Variants in OLFML2B observed in about 807,000 individuals in gnomAD.
OLFML2B encodes olfactomedin like 2B.
A neutral mutation model predicts 74.9 loss-of-function variants in OLFML2B; 57 were observed. The ratio of observed to expected loss-of-function variants is 0.76; its 90% CI spans 0.61 to 0.95. OLFML2B has a LOEUF of 0.95. Among genes scored for constraint, OLFML2B ranks in the 40% least tolerant of loss-of-function variants. The pLI, the probability that OLFML2B is intolerant of heterozygous loss-of-function variation, is 0.00. For synonymous variants in OLFML2B, 388 were observed against 405.8 expected, an observed-to-expected ratio of 0.96 and a Z score of 0.53; for missense variants, 986 against 970.6, an observed-to-expected ratio of 1.02 and a Z score of -0.21.
intron 3 of OLFML2B, among the ~76,000 whole-genome samples, chr1:162,016,770 C>A (rs538505102): frequency 6.6e-6 from 1 of 152,160 alleles, no homozygotes; most frequent in Non-Finnish European, 1.5e-5. Flanking sequence ...CAACTCCCAG[C>A]TCCCTTCACA....
Position 162,020,073 on chromosome 1 carries a change from C to T in OLFML2B, c.284G>A (p.Gly95Glu). ...GRDACQRINA[G>E]ASRKEDFYTV... Reference sequence around the variant, plus strand: ...ATAGAAGTCTTCCTTCCTGGAGGCCCCCGCATTGATCCTCTGGCAGGCATC... The same window carrying T: ...ATAGAAGTCTTCCTTCCTGGAGGCCTCCGCATTGATCCTCTGGCAGGCATC... Residue 95 changes from glycine to glutamate, a missense_variant, in exon 2 of 8, where the codon GGG becomes GAG. Transcript: ENST00000294794. The T allele has an allele frequency of 6.2e-7, 1 of 1,614,178 alleles. No individual in the cohort carries two copies. Among genetic ancestry groups the T allele is most frequent in the Non-Finnish European group, 8.5e-7 (1 of 1,180,020 alleles).
At chr1:161,999,649 C>T (rs569503959) in intron 5 of OLFML2B, among the ~76,000 whole-genome samples, 8 of 152,158 alleles carry the variant, frequency 5.3e-5, no homozygotes, top group Admixed American at 1.3e-4. Context: ...ACAAGGTAAA[C>T]GTGATGTGAA....
At chr1:162,022,338 C>T (rs1690736481) in intron 1 of OLFML2B, among the ~76,000 whole-genome samples, 1 of 150,174 alleles carries the variant, frequency 6.7e-6, no homozygotes, top group South Asian at 2.1e-4. Context: ...GCAACCTCCA[C>T]CTCCCGGGTT....
At chr1:162,015,241 T>C (rs1690498732) in intron 3 of OLFML2B, among the ~76,000 whole-genome samples, 1 of 152,220 alleles carries the variant, frequency 6.6e-6, no homozygotes, top group South Asian at 2.1e-4. Flanking sequence ...GAGGTTACTG[T>C]GTGACTGTAT....
chr1:162,018,694 G>C (rs1690616938), intron 2 of OLFML2B, among the ~76,000 whole-genome samples: 1 of 152,204 alleles, frequency 6.6e-6, no homozygotes, highest in Admixed American at 6.5e-5. Context: ...GGGTAAGAGG[G>C]AAGATGATGA....
intron 5 of OLFML2B, among the ~76,000 whole-genome samples, chr1:161,999,241 C>T (rs1690016479): frequency 6.6e-6 from 1 of 152,184 alleles, no homozygotes; most frequent in Non-Finnish European, 1.5e-5. Flanking sequence ...AAGTAGACTT[C>T]ATGTGCTCAT....
intron 2 of OLFML2B, 135 bp downstream of exon 2, chr1:162,019,784 G>A: frequency 8.8e-7 from 1 of 1,135,640 alleles, no homozygotes; most frequent in Non-Finnish European, 1.2e-6. Context: ...CATCAACCTT[G>A]ATCCACACAC....
chr1:161,987,561 T>C (rs1021887280), intron 6 of OLFML2B, among the ~76,000 whole-genome samples: 4 of 151,976 alleles, frequency 2.6e-5, no homozygotes, highest in African/African-American at 4.8e-5. Context: ...AGAAACGGAT[T>C]CTCCCCTCAA....
chr1:161,999,946 G>A (rs988968586), intron 5 of OLFML2B, among the ~76,000 whole-genome samples, 167 bp downstream of exon 5: 1 of 152,188 alleles, frequency 6.6e-6, no homozygotes, highest in African/African-American at 2.4e-5. Context: ...GCCACTCAGC[G>A]AGCTGTGAGG....
chr1:162,023,108 A>AAAATG, intron 1 of OLFML2B, 149 bp downstream of exon 1: 1 of 723,002 alleles, frequency 1.4e-6, no homozygotes, highest in Middle Eastern at 4.2e-4. Context: ...TTCCATTAAG[A>AAAATG]AAATATTCCG....
chr1:161,989,074 A>G (rs1689666680), intron 6 of OLFML2B, among the ~76,000 whole-genome samples: 2 of 151,458 alleles, frequency 1.3e-5, no homozygotes, highest in African/African-American at 2.4e-5. Context: ...GATCTCACCA[A>G]CTCTTGCCTG....
chr1:162,012,094 G>T (rs893670264), intron 3 of OLFML2B, among the ~76,000 whole-genome samples: 10 of 152,108 alleles, frequency 6.6e-5, no homozygotes, highest in African/African-American at 2.2e-4. Flanking sequence ...GCCTTTTCAC[G>T]TATAAGGACA....
chr1:161,984,150 C>G lies in OLFML2B; in HGVS notation c.1778G>C (p.Arg593Pro). The G allele has an allele frequency of 6.2e-7, 1 of 1,610,062 alleles. No individual in the cohort carries two copies. Among genetic ancestry groups the G allele is most frequent in the South Asian group, 1.1e-5 (1 of 90,520 alleles). ...CAGCATGGCCCAGGCAGCCACGTAG[C>G]GCTGCTTCAGGTCGTACTTGATGAT... Reference protein sequence around the residue: ...RNIIKYDLKQRYVAAWAMLHD... With the variant: ...RNIIKYDLKQPYVAAWAMLHD... Residue 593 changes from arginine (R) to proline (P), a missense_variant, in exon 8 of 8, where the codon CGC becomes CCC. By Grantham distance (103) the Arg-to-Pro change is moderately radical (BLOSUM62 -2). Coordinates refer to ENST00000294794, the MANE Select transcript of OLFML2B (RefSeq NM_015441.3).
At position 161,984,142 on chromosome 1, in the gene OLFML2B, C is replaced by T. The variant is rs1330317506; in HGVS notation, c.1786G>A (p.Ala596Thr). 3 of 1,609,564 alleles carry T rather than the reference C, an allele frequency of 1.9e-6. No homozygotes were observed. Among genetic ancestry groups the T allele is most frequent in the Non-Finnish European group, 1.7e-6 (2 of 1,177,664 alleles). The change falls in exon 8 of 8, where the codon GCT (alanine) becomes ACT (threonine). Residue 596 changes from alanine (A) to threonine (T), a missense_variant. Transcript: ENST00000294794. ...ACGTCATGCAGCATGGCCCAGGCAG[C>T]CACGTAGCGCTGCTTCAGGTCGTAC... ...IKYDLKQRYV[A>T]AWAMLHDVAY...
Position 162,000,101 on chromosome 1 carries a change from A to T in OLFML2B, c.949+12T>A, listed in dbSNP as rs781429546. On this transcript the variant is annotated intron_variant, in intron 5 of 7. Transcript: ENST00000294794. ...CCCTGCCTCTGGGGCGGCCCTGTTG[A>T]CCCCAACTCACGCTGCTCTTCAATG... The T allele has an allele frequency of 1.9e-6, 3 of 1,573,514 alleles. No homozygotes were observed. The highest frequency in any genetic ancestry group is 2.6e-6 in the Non-Finnish European group (3 of 1,155,002).
chr1:162,001,562 G>C (rs1182567961), intron 4 of OLFML2B, among the ~76,000 whole-genome samples: 3 of 152,182 alleles, frequency 2.0e-5, no homozygotes, highest in Admixed American at 6.5e-5. Flanking sequence ...CCTGCCTCCA[G>C]AGCTTGTTTT....
At chr1:161,995,111 T>G (rs996106793) in intron 6 of OLFML2B, among the ~76,000 whole-genome samples, 1 of 152,200 alleles carries the variant, frequency 6.6e-6, no homozygotes, top group Non-Finnish European at 1.5e-5. Context: ...TGTTAGGGTA[T>G]GAAAATCTCA....
At chr1:162,000,976 G>A (rs1354618515) in intron 4 of OLFML2B, among the ~76,000 whole-genome samples, 2 of 152,026 alleles carry the variant, frequency 1.3e-5, no homozygotes, top group Non-Finnish European at 2.9e-5. Context: ...CTCTTGTTGC[G>A]TGCCCTGCAC....
Position 162,015,917 on chromosome 1 carries a change from C to T in OLFML2B, c.546+1483G>A, listed in dbSNP as rs79125532. On this transcript the variant is annotated intron_variant, in intron 3 of 7. Coordinates refer to ENST00000294794, the MANE Select transcript of OLFML2B (RefSeq NM_015441.3). ...AATCTCAGGATCCAAAACCCTGACCCCTCTCATCAGACCTCATATCTGATG... is the reference window on the plus strand; with the variant it reads ...AATCTCAGGATCCAAAACCCTGACCTCTCTCATCAGACCTCATATCTGATG... 1.2e-3 allele frequency among the ~76,000 whole-genome samples: 179 copies of T among 152,304 alleles called. 2 individuals are homozygous for T. In the East Asian group the frequency reaches 0.031, roughly 26 times the overall value.
Sources: allele counts gnomAD v4.1 joint callset (sites outside exome capture counted in the v4.1 genomes callset), GRCh38; gene constraint gnomAD v4.1.1; transcripts MANE v1.5; gene names NCBI Gene and HGNC (gene_info 2026-07-23, HGNC 2026-07-21).